KCNIP1: variants seen among roughly 807,000 people sequenced by gnomAD.
KCNIP1 encodes potassium voltage-gated channel interacting protein 1.
A neutral mutation model predicts 33.0 loss-of-function variants in KCNIP1; 18 were observed. The ratio of observed to expected loss-of-function variants is 0.55; its 90% confidence interval spans 0.38 to 0.81. The LOEUF is 0.81. Among genes scored for constraint, KCNIP1 ranks in the 30% least tolerant of loss-of-function variants. The pLI, the probability that KCNIP1 is intolerant of heterozygous loss-of-function variation, is 0.00. For synonymous variants in KCNIP1, 93 were observed against 98.3 expected (o/e 0.95, Z 0.32); for missense variants, 238 against 271.6 (o/e 0.88, Z 0.87).
intron 1 of KCNIP1, among the ~76,000 whole-genome samples, chr5:170,425,183 G>T (rs114385458): frequency 6.6e-6 from 1 of 152,162 alleles, no homozygotes; most frequent in Non-Finnish European, 1.5e-5. Flanking sequence ...CCACTATAAT[G>T]TAAGCTCCAT....
chr5:170,626,862 G>A (rs944728085), intron 1 of KCNIP1, among the ~76,000 whole-genome samples: 5 of 119,128 alleles, frequency 4.2e-5, no homozygotes, highest in Non-Finnish European at 8.8e-5. Context: ...TTATGAGCCT[G>A]GGTGGGCAGC....
chr5:170,697,703 C>T (rs563663690), intron 1 of KCNIP1, among the ~76,000 whole-genome samples: 1 of 152,130 alleles, frequency 6.6e-6, no homozygotes, highest in African/African-American at 2.4e-5. Context: ...TTCTTTCTGA[C>T]CCTCATGGCT....
At chr5:170,361,545 C>A (rs1043288551) in intron 1 of KCNIP1, among the ~76,000 whole-genome samples, 1 of 152,156 alleles carries the variant, frequency 6.6e-6, no homozygotes, top group Admixed American at 6.5e-5. Context: ...GGGTTTGAGT[C>A]CAAATCCTCA....
At chr5:170,361,147 A>G (rs1248522231) in intron 1 of KCNIP1, among the ~76,000 whole-genome samples, 1 of 152,244 alleles carries the variant, frequency 6.6e-6, no homozygotes, top group African/African-American at 2.4e-5. Flanking sequence ...CCAGGTGCTC[A>G]GGTGAGGCGG....
At chr5:170,391,180 G>C (rs1237554077) in intron 1 of KCNIP1, among the ~76,000 whole-genome samples, 2 of 152,124 alleles carry the variant, frequency 1.3e-5, no homozygotes, top group African/African-American at 4.8e-5. Context: ...AGCAGGAAAA[G>C]TCCTCCTGGG....
rs200287944 is a variant in KCNIP1, at chr5:170,378,831, C to T, written c.88+24867C>T. 2.0e-5 allele frequency: 32 copies of T among 1,614,184 alleles called. No individual in the cohort carries two copies. The highest frequency in any genetic ancestry group is 1.2e-4 in the South Asian group (11 of 91,084). On this transcript the variant is annotated intron_variant, in intron 1 of 7. Coordinates refer to the KCNIP1 transcript ENST00000377360. ...GAGGAGGGCCTGGGGCCCGTAGAGG[C>T]GCTGGAATAGGACGCTGGTTTCGTT...
chr5:170,443,326 A>C (rs1190096754), intron 1 of KCNIP1, among the ~76,000 whole-genome samples: 1 of 146,146 alleles, frequency 6.8e-6, no homozygotes, highest in Non-Finnish European at 1.5e-5. Flanking sequence ...TGAACACCCC[A>C]CAGTTCCAAT....
chr5:170,575,715 T>G (rs1013737171), intron 1 of KCNIP1, among the ~76,000 whole-genome samples: 1 of 152,196 alleles, frequency 6.6e-6, no homozygotes, highest in African/African-American at 2.4e-5. Context: ...TTCTTCCTCT[T>G]TCCTGGACAA....
intron 1 of KCNIP1, among the ~76,000 whole-genome samples, chr5:170,445,427 T>G (rs1336756368): frequency 6.6e-6 from 1 of 152,176 alleles, no homozygotes; most frequent in Non-Finnish European, 1.5e-5. Flanking sequence ...TGGCTGCGAG[T>G]GAGAGGACTG....
At chr5:170,638,706 C>T (rs1204662409) in intron 1 of KCNIP1, among the ~76,000 whole-genome samples, 1 of 149,964 alleles carries the variant, frequency 6.7e-6, no homozygotes, top group African/African-American at 2.5e-5. Flanking sequence ...TTGCATTGCT[C>T]TTGGGGGCAG....
Position 170,431,713 on chromosome 5 carries a change from T to G in KCNIP1, c.88+77749T>G, listed in dbSNP as rs372184132. The stretch of plus-strand genomic sequence containing the variant: ...ACAGAGGTTGCCGGGGCATCCAGGG[T>G]CTACACGGGCTGAGCTCCCCAGACC... On this transcript the variant is annotated intron_variant, in intron 1 of 7. Transcript: ENST00000377360. Among the ~76,000 whole-genome samples, 5 of 152,092 alleles carry G rather than the reference T, an allele frequency of 3.3e-5. No individual in the cohort carries two copies. In the East Asian group the frequency reaches 5.8e-4, roughly 18 times the overall value.
chr5:170,565,713 A>T (rs1324777741), intron 1 of KCNIP1, among the ~76,000 whole-genome samples: 2 of 152,236 alleles, frequency 1.3e-5, no homozygotes, highest in South Asian at 2.1e-4. Flanking sequence ...TAGGATTTTT[A>T]AAACTAGGAT....
chr5:170,629,769 T>C (rs1017089128), intron 1 of KCNIP1, among the ~76,000 whole-genome samples: 2 of 152,134 alleles, frequency 1.3e-5, no homozygotes, highest in Non-Finnish European at 2.9e-5. Flanking sequence ...CAGCATCTAG[T>C]AAGGGCACCA....
At chr5:170,597,786 T>TAAATAA (rs1016791333) in intron 1 of KCNIP1, among the ~76,000 whole-genome samples, 1 of 730 alleles carries the variant, frequency 1.4e-3, no homozygotes, top group African/African-American at 2.5e-3. Flanking sequence ...GAGAGATAAA[T>TAAATAA]ATATATATAT....
intron 1 of KCNIP1, among the ~76,000 whole-genome samples, chr5:170,526,703 C>T (rs1253156370): frequency 6.6e-6 from 1 of 150,494 alleles, no homozygotes; most frequent in African/African-American, 2.5e-5. Flanking sequence ...CTCACCCATA[C>T]CTTTTATCTG....
intron 1 of KCNIP1, among the ~76,000 whole-genome samples, chr5:170,597,679 T>G (rs1758491390): frequency 6.6e-6 from 1 of 151,764 alleles, no homozygotes; most frequent in Non-Finnish European, 1.5e-5. Flanking sequence ...TCATGGCTGA[T>G]CTAGAGCCAC....
chr5:170,354,076 C>G, intron 1 of KCNIP1: 1 of 1,027,428 alleles, frequency 9.7e-7, no homozygotes, highest in East Asian at 2.5e-5. Flanking sequence ...TTGGAAAAAG[C>G]TGGGGAAATT....
intron 1 of KCNIP1, among the ~76,000 whole-genome samples, chr5:170,392,135 A>G (rs569229059): frequency 3.3e-5 from 5 of 152,274 alleles, no homozygotes; most frequent in African/African-American, 1.2e-4. Context: ...TAGGAAGCCG[A>G]GGCCCCGTGC....
intron 1 of KCNIP1, among the ~76,000 whole-genome samples, chr5:170,368,246 G>A (rs1763749354): frequency 1.4e-5 from 2 of 147,516 alleles, no homozygotes; most frequent in Admixed American, 1.4e-4. Context: ...AGTTTTTAAA[G>A]TTTTTGTTTG....
Sources: gnomAD v4.1 joint callset for allele counts (sites outside exome capture counted in the v4.1 genomes callset) on GRCh38, gnomAD v4.1.1 for gene constraint, MANE v1.5 for transcripts, NCBI Gene and HGNC (gene_info 2026-07-23, HGNC 2026-07-21) for gene names.